Variants in ATRX observed in about 807,000 individuals in gnomAD.
The protein encoded by ATRX is chromatin remodeler ATRX.
ATRX carries 12 observed loss-of-function variants against 172.6 expected under a neutral mutation model. That is an observed-to-expected ratio of 0.07 (90% CI 0.04 to 0.11). The LOEUF (loss-of-function observed/expected upper bound fraction) is 0.11. Among genes scored for constraint, ATRX ranks in the 10% least tolerant of loss-of-function variants. ATRX has a pLI of 1.00. For synonymous variants in ATRX, 674 were observed against 594.7 expected (o/e 1.13, Z -1.94); for missense variants, 1,368 against 1,767.4 (o/e 0.77, Z 4.05).
At chrX:77,734,333 G>A (rs1557177708) in intron 1 of ATRX, among the ~76,000 whole-genome samples, 1 of 110,744 alleles carries the variant, frequency 9.0e-6, no homozygotes, top group Non-Finnish European at 1.9e-5. Context: ...CAGGAGAATT[G>A]CTTGAACCCA....
At chrX:77,559,126 A>T (rs2066052419) in intron 28 of ATRX, among the ~76,000 whole-genome samples, 1 of 111,466 alleles carries the variant, frequency 9.0e-6, no homozygotes, top group African/African-American at 3.3e-5. Flanking sequence ...TTTTATCTAC[A>T]GATTTCTGAA....
chrX:77,534,305 T>C (rs2063680946), intron 30 of ATRX, among the ~76,000 whole-genome samples: 1 of 111,962 alleles, frequency 8.9e-6, no homozygotes, highest in Non-Finnish European at 1.9e-5. Context: ...AATAGCAGCA[T>C]ACTATCAATA....
intron 13 of ATRX, among the ~76,000 whole-genome samples, chrX:77,655,637 C>T (rs2069504767): frequency 9.2e-6 from 1 of 108,647 alleles, no homozygotes; most frequent in African/African-American, 3.3e-5. Context: ...TGTTGCACAA[C>T]TTTGCAAATA....
At chrX:77,689,730 T>A (rs913696780) in intron 6 of ATRX, among the ~76,000 whole-genome samples, 3 of 112,312 alleles carry the variant, frequency 2.7e-5, no homozygotes, top group Non-Finnish European at 5.6e-5. Flanking sequence ...AGCTAAACAT[T>A]AGAGTCATCT....
intron 25 of ATRX, among the ~76,000 whole-genome samples, chrX:77,598,262 C>A (rs1388872421): frequency 9.1e-6 from 1 of 109,558 alleles, no homozygotes; most frequent in South Asian, 4.0e-4. Context: ...AAGAGGAGAG[C>A]GACAGACACG....
intron 15 of ATRX, among the ~76,000 whole-genome samples, chrX:77,648,435 G>A (rs1045125933): frequency 2.5e-4 from 28 of 111,053 alleles, no homozygotes; most frequent in Admixed American, 2.4e-3. Flanking sequence ...TAAACAGTAT[G>A]CACAGTGGCA....
chrX:77,599,702 C>T (rs781904655), intron 24 of ATRX, 30 bp downstream of exon 24: 1 of 1,193,308 alleles, frequency 8.4e-7, no homozygotes, highest in Non-Finnish European at 1.1e-6. Context: ...TTTGTCAATA[C>T]AGGATGGCAC....
chrX:77,701,083 A>G (rs2072481600), intron 2 of ATRX, among the ~76,000 whole-genome samples: 1 of 112,770 alleles, frequency 8.9e-6, no homozygotes, highest in Admixed American at 9.4e-5. Flanking sequence ...TCAACGTTAT[A>G]TAACAAATGT....
At chrX:77,637,939 C>CAAAAAAAAAAAAAAAAAAAAACAA (rs373944111) in intron 15 of ATRX, among the ~76,000 whole-genome samples, 1 of 42,863 alleles carries the variant, frequency 2.3e-5, no homozygotes, top group African/African-American at 1.0e-4. Context: ...AGCTCCATCT[C>CAAAAAAAAAAAAAAAAAAAAACAA]AAAAAAAAAA....
At chrX:77,534,974 G>A (rs1183713027) in intron 30 of ATRX, among the ~76,000 whole-genome samples, 1 of 111,160 alleles carries the variant, frequency 9.0e-6, no homozygotes, top group South Asian at 3.8e-4. Flanking sequence ...TGTAATATCT[G>A]GAAATAAAAT....
rs183183860 is a variant in ATRX, at chrX:77,611,634, A to G, written c.5566+4979T>C. Among the ~76,000 whole-genome samples, 280 of 111,412 alleles carry G rather than the reference A, an allele frequency of 2.5e-3. 2 individuals carry two copies. Among genetic ancestry groups the G allele is most frequent in the African/African-American group, 8.7e-3 (266 of 30,689 alleles). On this transcript the variant is annotated intron_variant, in intron 22 of 34. Transcript: ENST00000373344. ...GCACTTTGGGAGGCTGTGATGGGGT[A>G]TCACTTGAGCCCAGAAGTTCAAGAC...
At chrX:77,510,761 A>AG (rs2062841543) in intron 34 of ATRX, among the ~76,000 whole-genome samples, 1 of 112,183 alleles carries the variant, frequency 8.9e-6, no homozygotes, top group Non-Finnish European at 1.9e-5. Flanking sequence ...CTTGGGTGCC[A>AG]GCTCAGCCGA....
At chrX:77,676,092 A>G (rs782594808) in intron 10 of ATRX, 134 bp downstream of exon 10, 43 of 540,823 alleles carry the variant, frequency 8.0e-5, no homozygotes, top group Non-Finnish European at 1.2e-4. Context: ...AACTTGCAGG[A>G]AGACTGTGAG....
chrX:77,754,472 A>G (rs181265765), intron 1 of ATRX, among the ~76,000 whole-genome samples: 140 of 112,057 alleles, frequency 1.2e-3, no homozygotes, highest in African/African-American at 3.1e-3. Context: ...TGCAGTGGCT[A>G]GTACCAGTTT....
At chrX:77,781,576 A>G (rs1480480064) in intron 1 of ATRX, among the ~76,000 whole-genome samples, 1 of 110,548 alleles carries the variant, frequency 9.0e-6, no homozygotes, top group Non-Finnish European at 1.9e-5. Context: ...AAATATTGAT[A>G]TTTACTCCCA....
At chrX:77,751,019 A>G (rs373829397) in intron 1 of ATRX, among the ~76,000 whole-genome samples, 31 of 112,079 alleles carry the variant, frequency 2.8e-4, no homozygotes, top group Admixed American at 4.7e-4. Context: ...TAGTAGAATG[A>G]TTTATAATCC....
At chrX:77,670,686 C>A (rs961400053) in intron 10 of ATRX, among the ~76,000 whole-genome samples, 1 of 106,402 alleles carries the variant, frequency 9.4e-6, no homozygotes, top group South Asian at 4.2e-4. Flanking sequence ...ACCCAGGAGG[C>A]GGAGGTTGCA....
At chrX:77,645,554 C>T (rs2068872524) in intron 15 of ATRX, among the ~76,000 whole-genome samples, 1 of 111,532 alleles carries the variant, frequency 9.0e-6, no homozygotes, top group Admixed American at 9.6e-5. Flanking sequence ...AAAATGCTTC[C>T]TACAGGGAAG....
intron 1 of ATRX, among the ~76,000 whole-genome samples, chrX:77,779,051 C>T (rs1299015233): frequency 9.3e-6 from 1 of 107,002 alleles, no homozygotes; most frequent in African/African-American, 3.4e-5. Flanking sequence ...CCTCAACTTC[C>T]CGAGCAGCTG....
Sources: allele counts gnomAD v4.1 joint callset (sites outside exome capture counted in the v4.1 genomes callset), GRCh38; gene constraint gnomAD v4.1.1; transcripts MANE v1.5; gene names NCBI Gene and HGNC (gene_info 2026-07-23, HGNC 2026-07-21).